NALF1: variants seen among roughly 807,000 people sequenced by gnomAD.
NALF1 encodes the protein family with sequence similarity 155 member A.
A neutral mutation model predicts 48.4 loss-of-function variants in NALF1; 3 were observed. The observed-to-expected ratio is 0.06, with a 90% CI of 0.03 to 0.16. The LOEUF (loss-of-function observed/expected upper bound fraction) is 0.16. Ranked by LOEUF, NALF1 falls within the 10% of genes least tolerant of loss-of-function variation. The probability of loss-of-function intolerance (pLI) is 1.00; values close to 1 mark genes in which losing one functional copy is unlikely to be tolerated. For missense variants in NALF1, 526 were observed against 571.5 expected, an observed-to-expected ratio of 0.92 and a Z score of 0.81; for synonymous variants, 262 against 245.7, an observed-to-expected ratio of 1.07 and a Z score of -0.62.
intron 1 of NALF1, among the ~76,000 whole-genome samples, chr13:107,357,672 G>A (rs1041733681): frequency 1.3e-5 from 2 of 152,104 alleles, no homozygotes; most frequent in African/African-American, 4.8e-5. Flanking sequence ...TCAAGAGAAG[G>A]ATCCCTTTTC....
intron 1 of NALF1, among the ~76,000 whole-genome samples, chr13:107,265,939 G>A (rs991257676): frequency 7.2e-5 from 11 of 152,084 alleles, no homozygotes; most frequent in South Asian, 2.1e-4. Flanking sequence ...TATGATTTGC[G>A]TTTTCTCTAG....
intron 1 of NALF1, among the ~76,000 whole-genome samples, chr13:107,614,965 A>G (rs7330406): frequency 6.6e-6 from 1 of 151,484 alleles, no homozygotes; most frequent in South Asian, 2.1e-4. Flanking sequence ...TTAGTAGAGA[A>G]GAGGTTTCAC....
chr13:107,199,257 C>G, intron 2 of NALF1, among the ~76,000 whole-genome samples: 1 of 152,204 alleles, frequency 6.6e-6, no homozygotes, highest in Non-Finnish European at 1.5e-5. Context: ...GAAGACACAG[C>G]GAGAAGGCAG....
rs759507495 is a variant in NALF1 at position 107,866,360 on chromosome 13, C to A, written c.237G>T (p.Gln79His). The A allele has an allele frequency of 6.4e-7, 1 of 1,571,822 alleles. No individual in the cohort carries two copies. The highest frequency in any genetic ancestry group is 1.7e-5 in the Admixed American group (1 of 59,554). ...DKEHQQQQRQQQQQQQQQRQR... is the reference protein window; with the variant it reads ...DKEHQQQQRQHQQQQQQQRQR... Reference sequence around the variant, plus strand: ...GCCTCTGCTGCTGCTGCTGCTGCTGCTGCTGCCGCTGCTGCTGCTGGTGCT... The same window carrying A: ...GCCTCTGCTGCTGCTGCTGCTGCTGATGCTGCCGCTGCTGCTGCTGGTGCT... Residue 79 changes from glutamine to histidine, a missense_variant, in exon 1 of 3, where the codon CAG (glutamine) becomes CAT (histidine). Coordinates refer to ENST00000375915, the MANE Select transcript of NALF1 (RefSeq NM_001080396.3). This position sits in a 1 kb window ranked among gnomAD's most constrained non-coding sequence, Gnocchi z 4.4.
At chr13:107,761,807 T>C (rs1210802925) in intron 1 of NALF1, among the ~76,000 whole-genome samples, 1 of 152,216 alleles carries the variant, frequency 6.6e-6, no homozygotes, top group Non-Finnish European at 1.5e-5. Flanking sequence ...ACTTATGAAC[T>C]GTGTCACCTT....
At chr13:107,256,129 A>G (rs534099420) in intron 1 of NALF1, among the ~76,000 whole-genome samples, 1 of 152,326 alleles carries the variant, frequency 6.6e-6, no homozygotes, top group African/African-American at 2.4e-5. Context: ...AGACGTTATT[A>G]AAAGTTAAAT....
At chr13:107,795,519 C>G (rs1308064575) in intron 1 of NALF1, among the ~76,000 whole-genome samples, 1 of 152,120 alleles carries the variant, frequency 6.6e-6, no homozygotes, top group East Asian at 1.9e-4. Context: ...GTCCAAATTG[C>G]TGGAAGAAAA....
intron 1 of NALF1, among the ~76,000 whole-genome samples, chr13:107,444,365 G>T (rs1361979979): frequency 6.6e-6 from 1 of 152,122 alleles, no homozygotes; most frequent in Admixed American, 6.6e-5. Flanking sequence ...ATTTAATGTG[G>T]CAAATTTTTG....
Position 107,799,820 on chromosome 13 carries a change from G to A in NALF1, c.915+65862C>T, listed in dbSNP as rs1878547045. 2.0e-5 allele frequency among the ~76,000 whole-genome samples: 3 copies of A among 152,128 alleles called. No homozygotes were observed. In the South Asian group the frequency reaches 6.2e-4, roughly 32 times the overall value. On this transcript the variant is annotated intron_variant, in intron 1 of 2. Coordinates refer to ENST00000375915, the MANE Select transcript of NALF1 (RefSeq NM_001080396.3). ...TTTCAGGTTCCCTTTACTTTGTAGA[G>A]GAAGGTAAACACAACAGCAATAACA... is the stretch of plus-strand genomic sequence containing the variant.
intron 1 of NALF1, among the ~76,000 whole-genome samples, chr13:107,472,228 C>G (rs1268994292): frequency 6.6e-6 from 1 of 152,148 alleles, no homozygotes; most frequent in East Asian, 1.9e-4. Context: ...ACTTGGGAGG[C>G]TGAGGCAGGA....
At chr13:107,386,898 G>A (rs1459320935) in intron 1 of NALF1, among the ~76,000 whole-genome samples, 1 of 152,164 alleles carries the variant, frequency 6.6e-6, no homozygotes, top group African/African-American at 2.4e-5. Flanking sequence ...AAAGTGACAT[G>A]TTGGAAAGAA....
chr13:107,606,962 T>C (rs957056283), intron 1 of NALF1, among the ~76,000 whole-genome samples: 1 of 152,240 alleles, frequency 6.6e-6, no homozygotes, highest in African/African-American at 2.4e-5. Flanking sequence ...TTTGCTCTGC[T>C]CTAGGCTGCT....
rs1303973472 is a variant in NALF1, at chr13:107,731,960, G to C, written c.915+133722C>G. Among the ~76,000 whole-genome samples, 3 of 152,136 alleles carry C rather than the reference G, an allele frequency of 2.0e-5. No individual in the cohort carries two copies. In the East Asian group the frequency reaches 5.8e-4, roughly 29 times the overall value. On this transcript the variant is annotated intron_variant, in intron 1 of 2. Transcript: ENST00000375915. Reference sequence around the variant, plus strand: ...GAGCTATCCTAGATTTAGGACTGTAGGAATTTGTATGATGAAGAACAAGCA... The same window carrying C: ...GAGCTATCCTAGATTTAGGACTGTACGAATTTGTATGATGAAGAACAAGCA...
At chr13:107,257,682 C>T (rs2138850825) in intron 1 of NALF1, among the ~76,000 whole-genome samples, 1 of 152,186 alleles carries the variant, frequency 6.6e-6, no homozygotes, top group Non-Finnish European at 1.5e-5. Flanking sequence ...CTGAGGTGGC[C>T]AGGCATGTGC....
chr13:107,836,243 G>A (rs1566501002), intron 1 of NALF1, among the ~76,000 whole-genome samples: 2 of 152,000 alleles, frequency 1.3e-5, no homozygotes, highest in Non-Finnish European at 2.9e-5. Flanking sequence ...TGCCCCCCTT[G>A]GCATCCTAAA....
At chr13:107,602,845 T>C (rs575098029) in intron 1 of NALF1, among the ~76,000 whole-genome samples, 1 of 152,328 alleles carries the variant, frequency 6.6e-6, no homozygotes, top group Non-Finnish European at 1.5e-5. Context: ...GAATTCTCTA[T>C]GCTTATATGT....
At chr13:107,433,664 A>G (rs1884418941) in intron 1 of NALF1, among the ~76,000 whole-genome samples, 1 of 152,116 alleles carries the variant, frequency 6.6e-6, no homozygotes, top group Non-Finnish European at 1.5e-5. Context: ...TTAAAAAGTT[A>G]AGGCACAAAT....
At chr13:107,197,415 C>G (rs1879416966) in intron 2 of NALF1, among the ~76,000 whole-genome samples, 2 of 152,176 alleles carry the variant, frequency 1.3e-5, no homozygotes, top group African/African-American at 4.8e-5. Context: ...GTCAGATGTG[C>G]TGGCTTTTCC....
intron 1 of NALF1, among the ~76,000 whole-genome samples, chr13:107,832,036 C>T (rs1375100095): frequency 6.6e-6 from 1 of 152,076 alleles, no homozygotes; most frequent in Non-Finnish European, 1.5e-5. Flanking sequence ...TCCATATTGT[C>T]CTTCCATTTA....
Sources: gnomAD v4.1 joint callset for allele counts (sites outside exome capture counted in the v4.1 genomes callset) on GRCh38, gnomAD v4.1.1 for gene constraint, Gnocchi (gnomAD v3.1) non-coding constraint, MANE v1.5 for transcripts, NCBI Gene and HGNC (gene_info 2026-07-23, HGNC 2026-07-21) for gene names.